Variants in PPM1E observed in about 807,000 individuals in gnomAD.
PPM1E encodes the protein protein phosphatase, Mg2+/Mn2+ dependent 1E, also known as protein phosphatase 1E.
In PPM1E, 20 loss-of-function variants were observed where a neutral mutation model predicts 65.9. The observed-to-expected ratio is 0.30, with a 90% CI of 0.21 to 0.44. The LOEUF is 0.44. Ranked by LOEUF, PPM1E falls within the 20% of genes least tolerant of loss-of-function variation. PPM1E has a pLI of 1.00. For synonymous variants in PPM1E, 352 were observed against 374.9 expected, an observed-to-expected ratio of 0.94 and a Z score of 0.70; for missense variants, 713 against 953.1, an observed-to-expected ratio of 0.75 and a Z score of 3.32.
At chr17:58,820,967 A>G (rs1456168119) in intron 1 of PPM1E, among the ~76,000 whole-genome samples, 2 of 152,088 alleles carry the variant, frequency 1.3e-5, no homozygotes, top group Non-Finnish European at 2.9e-5. Context: ...GATCTGAAAC[A>G]TTTAATCATG....
At chr17:58,865,543 T>A (rs1278693735) in intron 1 of PPM1E, among the ~76,000 whole-genome samples, 2 of 152,136 alleles carry the variant, frequency 1.3e-5, no homozygotes, top group Non-Finnish European at 2.9e-5. Context: ...AACCCGTCTC[T>A]ACAAAAATTC....
intron 4 of PPM1E, among the ~76,000 whole-genome samples, chr17:58,970,546 G>C (rs1292459169): frequency 6.6e-6 from 1 of 152,166 alleles, no homozygotes; most frequent in African/African-American, 2.4e-5. Flanking sequence ...GGAGAGATCA[G>C]GGTAATCATT....
In PPM1E at chr17:58,837,096, A is replaced by G. The variant is rs56861593; in HGVS notation, c.464+80635A>G. The stretch of plus-strand genomic sequence containing the variant: ...CCCAGCCACAAAAAATTTAAGATCA[A>G]CTGGGTTTGTTGGCGCATGCCTGTA... On this transcript the variant is annotated intron_variant, in intron 1 of 6. Coordinates refer to ENST00000308249, the MANE Select transcript of PPM1E (RefSeq NM_014906.5). Among the ~76,000 whole-genome samples, 1,113 of 150,452 alleles carry G rather than the reference A, an allele frequency of 7.4e-3. 9 individuals are homozygous for G. The highest frequency in any genetic ancestry group is 0.026 in the African/African-American group (1,073 of 40,998).
At chr17:58,836,468 A>T (rs889642004) in intron 1 of PPM1E, among the ~76,000 whole-genome samples, 19 of 145,730 alleles carry the variant, frequency 1.3e-4, no homozygotes, top group East Asian at 4.2e-4. Flanking sequence ...CAAAAAAAAA[A>T]TTTTTTTTTT....
At chr17:58,813,676 A>G (rs2050390633) in intron 1 of PPM1E, among the ~76,000 whole-genome samples, 1 of 152,232 alleles carries the variant, frequency 6.6e-6, no homozygotes, top group Admixed American at 6.5e-5. Context: ...AACTGATGAA[A>G]TATTTTATTA....
At chr17:58,806,755 A>T (rs1340315489) in intron 1 of PPM1E, among the ~76,000 whole-genome samples, 1 of 137,754 alleles carries the variant, frequency 7.3e-6, no homozygotes, top group Non-Finnish European at 1.5e-5. Flanking sequence ...GTTGGAGTGT[A>T]GTGGCGCCAT....
At chr17:58,971,092 T>C (rs2030583577) in intron 4 of PPM1E, among the ~76,000 whole-genome samples, 1 of 152,100 alleles carries the variant, frequency 6.6e-6, no homozygotes, top group Non-Finnish European at 1.5e-5. Flanking sequence ...CTTTTCTCCT[T>C]CTTATGCTTC....
Position 58,980,604 on chromosome 17 carries a change from A to C in PPM1E, c.1841A>C (p.Gln614Pro), listed in dbSNP as rs374085623. 1 of 1,614,094 alleles carries C rather than the reference A, an allele frequency of 6.2e-7. No homozygotes were observed. The highest frequency in any genetic ancestry group is 8.5e-7 in the Non-Finnish European group (1 of 1,180,032). The change falls in exon 7 of 7, where the codon CAG (glutamine) becomes CCG (proline). Residue 614 changes from glutamine (Q) to proline (P), a missense_variant. Coordinates refer to ENST00000308249, the MANE Select transcript of PPM1E (RefSeq NM_014906.5). This position sits in a 1 kb window ranked among gnomAD's most constrained non-coding sequence, Gnocchi z 4.7. ...NELMMEKKSV[Q>P]SSLPEWSGAG... ...TTAATGATGGAGAAAAAATCAGTTCAGTCATCATTGCCTGAATGGAGTGGT... is the reference window on the plus strand; with the variant it reads ...TTAATGATGGAGAAAAAATCAGTTCCGTCATCATTGCCTGAATGGAGTGGT...
At chr17:58,831,732 A>C (rs2050608053) in intron 1 of PPM1E, among the ~76,000 whole-genome samples, 1 of 152,158 alleles carries the variant, frequency 6.6e-6, no homozygotes, top group Non-Finnish European at 1.5e-5. Flanking sequence ...GTTTGGACTC[A>C]GCTTTCTCTG....
At chr17:58,892,498 A>C (rs750904303) in intron 1 of PPM1E, among the ~76,000 whole-genome samples, 1 of 152,108 alleles carries the variant, frequency 6.6e-6, no homozygotes, top group Non-Finnish European at 1.5e-5. Flanking sequence ...GCCTGAGCCC[A>C]ATAATTGGAG....
chr17:58,810,317 C>T (rs1483919605), intron 1 of PPM1E, among the ~76,000 whole-genome samples: 1 of 152,146 alleles, frequency 6.6e-6, no homozygotes, highest in African/African-American at 2.4e-5. Flanking sequence ...AGTGATTCTC[C>T]TGCCTCAGCC....
rs780992600 is a variant in PPM1E, at chr17:58,792,743, CTTTTTTTTTTTTTT to C, written c.464+36298_464+36311del. On this transcript the variant is annotated intron_variant, in intron 1 of 6. Coordinates refer to ENST00000308249, the MANE Select transcript of PPM1E (RefSeq NM_014906.5). Reference sequence around the variant, plus strand: ...TATTTTATTTTATAAGAATTTTACTCTTTTTTTTTTTTTTTTTTTTTTTTTTTTTGAGATGGAGT... The same window carrying C: ...TATTTTATTTTATAAGAATTTTACTCTTTTTTTTTTTTTTTGAGATGGAGT... 1.1e-3 allele frequency among the ~76,000 whole-genome samples: 85 copies of C among 76,376 alleles called. 3 individuals are homozygous for C. The East Asian group carries it at 0.031, about 28-fold the overall frequency. 50.1% of individuals were successfully genotyped at this position (76,376 alleles called of 152,430 possible).
chr17:58,772,625 A>T (rs907800891), intron 1 of PPM1E, among the ~76,000 whole-genome samples: 1 of 152,136 alleles, frequency 6.6e-6, no homozygotes, highest in East Asian at 1.9e-4. Flanking sequence ...CAGAGACATT[A>T]CCATGTGCAA....
chr17:58,772,963 T>C (rs1012400761), intron 1 of PPM1E, among the ~76,000 whole-genome samples: 29 of 132,104 alleles, frequency 2.2e-4, no homozygotes, highest in African/African-American at 8.3e-4. Context: ...TTGTAAAATA[T>C]CTTTCTCTCT....
At chr17:58,913,181 T>C (rs2051647462) in intron 1 of PPM1E, among the ~76,000 whole-genome samples, 1 of 152,164 alleles carries the variant, frequency 6.6e-6, no homozygotes, top group African/African-American at 2.4e-5. Flanking sequence ...TCCAAGTAGA[T>C]AGAGTCAGAA....
chr17:58,779,963 G>T (rs1453200484), intron 1 of PPM1E, among the ~76,000 whole-genome samples: 1 of 152,136 alleles, frequency 6.6e-6, no homozygotes, highest in African/African-American at 2.4e-5. Flanking sequence ...TCCGTTACAG[G>T]TGGATCATAA....
intron 1 of PPM1E, among the ~76,000 whole-genome samples, chr17:58,784,844 T>C (rs1328884025): frequency 6.6e-6 from 1 of 152,034 alleles, no homozygotes; most frequent in Non-Finnish European, 1.5e-5. Flanking sequence ...TTAAATTGGG[T>C]TATTTATCTT....
intron 1 of PPM1E, among the ~76,000 whole-genome samples, chr17:58,888,012 C>G (rs4636974): frequency 0.64 from 96,810 of 151,972 alleles, 31,211 homozygotes; most frequent in African/African-American, 0.71. Flanking sequence ...ATCAAGGAAG[C>G]ATAAATTCAA....
intron 1 of PPM1E, among the ~76,000 whole-genome samples, chr17:58,787,649 C>T (rs1325704320): frequency 6.6e-6 from 1 of 151,970 alleles, no homozygotes; most frequent in East Asian, 1.9e-4. Flanking sequence ...TGGCTCACAC[C>T]TGTAATCCCA....
Sources: allele counts gnomAD v4.1 joint callset (sites outside exome capture counted in the v4.1 genomes callset), GRCh38; gene constraint gnomAD v4.1.1; non-coding constraint Gnocchi (gnomAD v3.1); transcripts MANE v1.5; gene names NCBI Gene and HGNC (gene_info 2026-07-23, HGNC 2026-07-21).